COL16A1: variants seen among roughly 807,000 people sequenced by gnomAD.
COL16A1 encodes collagen alpha-1(XVI) chain.
Under a neutral mutation model 266.3 loss-of-function variants are expected in COL16A1, and 189 were observed. The observed-to-expected ratio is 0.71, with a 90% confidence interval of 0.63 to 0.80. COL16A1 has a LOEUF of 0.80. Among genes scored for constraint, COL16A1 ranks in the 30% least tolerant of loss-of-function variants. The pLI is 0.00. For missense variants in COL16A1, 1,928 were observed against 2,122.4 expected, an observed-to-expected ratio of 0.91 and a Z score of 1.80; for synonymous variants, 740 against 782.3, an observed-to-expected ratio of 0.95 and a Z score of 0.90.
At position 31,665,568 on chromosome 1, in the gene COL16A1, G is replaced by A; in HGVS notation, c.3492+15C>T. 1 of 1,614,176 alleles carries A rather than the reference G, an allele frequency of 6.2e-7. No homozygotes were observed. Among genetic ancestry groups the A allele is most frequent in the Non-Finnish European group, 8.5e-7 (1 of 1,180,022 alleles). On this transcript the variant is annotated intron_variant, in intron 55 of 70. Coordinates refer to ENST00000373672, the MANE Select transcript of COL16A1 (RefSeq NM_001856.4). ...CCACATCAGACAGAGCTGGCTTTGT[G>A]TCTTCTTCACTCACCGGTGGGCCCG...
In COL16A1 at chr1:31,700,034, T is replaced by G; in HGVS notation, c.148+7A>C. 1 of 1,614,066 alleles carries G rather than the reference T, an allele frequency of 6.2e-7. No homozygotes were observed. Among genetic ancestry groups the G allele is most frequent in the Non-Finnish European group, 8.5e-7 (1 of 1,179,984 alleles). ...GGGACGGCGCGATGAGATGGTTGGG[T>G]GCTCACCAGTCACGTTGGCTGGCAG... On this transcript the variant is annotated splice_region_variant and intron_variant, in intron 3 of 70. Transcript: ENST00000373672.
intron 23 of COL16A1, chr1:31,689,369 G>A: frequency 5.1e-6 from 3 of 590,634 alleles, no homozygotes; most frequent in African/African-American, 1.9e-5. Context: ...CCTGAAAGAG[G>A]GGGTCTGTGA....
chr1:31,669,439 C>A (rs1234991034), intron 49 of COL16A1, among the ~76,000 whole-genome samples: 2 of 152,100 alleles, frequency 1.3e-5, no homozygotes, highest in Non-Finnish European at 2.9e-5. Context: ...TCCACGAGAG[C>A]TACAGCCCCC....
intron 39 of COL16A1, 75 bp downstream of exon 39, chr1:31,680,830 G>A (rs1193976999): frequency 1.9e-6 from 3 of 1,610,664 alleles, no homozygotes; most frequent in Admixed American, 1.7e-5. Context: ...ATCCCCCAGA[G>A]TACGGGTCAC....
At chr1:31,693,494 A>G (rs1346099779) in intron 12 of COL16A1, among the ~76,000 whole-genome samples, 1 of 152,222 alleles carries the variant, frequency 6.6e-6, no homozygotes, top group African/African-American at 2.4e-5. Flanking sequence ...GCACGGTGGC[A>G]GAAACCCATG....
At chr1:31,672,556 G>A (rs1240684109) in intron 46 of COL16A1, 40 bp downstream of exon 46, 1 of 1,612,782 alleles carries the variant, frequency 6.2e-7, no homozygotes, top group Non-Finnish European at 8.5e-7. Flanking sequence ...TCCCTGTGGG[G>A]CATGGGGCAT....
chr1:31,674,835 C>A (rs1643042004), intron 44 of COL16A1, among the ~76,000 whole-genome samples, 172 bp downstream of exon 44: 1 of 152,182 alleles, frequency 6.6e-6, no homozygotes, highest in African/African-American at 2.4e-5. Flanking sequence ...TGCCTGGGGG[C>A]CTGTTACAAG....
intron 47 of COL16A1, 108 bp downstream of exon 47, chr1:31,672,308 G>C (rs1642788624): frequency 2.4e-6 from 3 of 1,260,062 alleles, no homozygotes; most frequent in South Asian, 2.7e-5. Flanking sequence ...GATGAGCCCA[G>C]AGTGGTAAAG....
intron 44 of COL16A1, among the ~76,000 whole-genome samples, chr1:31,674,692 C>T (rs918613976): frequency 6.6e-6 from 1 of 152,210 alleles, no homozygotes; most frequent in East Asian, 1.9e-4. Context: ...TGGGCTCTGC[C>T]GCAGGGTGAC....
In COL16A1 at chr1:31,656,889, C is replaced by T; in HGVS notation, c.4056+144G>A. 1.9e-6 allele frequency: 2 copies of T among 1,077,334 alleles called. No individual in the cohort carries two copies. The highest frequency in any genetic ancestry group is 2.7e-6 in the Non-Finnish European group (2 of 741,212). The allele number at this position is 1,077,334 out of a possible 1,614,324, so 66.7% of individuals were successfully genotyped here. ...CCTTGGCCTCAAGTCTCTAATTCCT[C>T]TCCCCAGGACAACAGGGTTAACAAT... On this transcript the variant is annotated intron_variant, in intron 65 of 70. Transcript: ENST00000373672. This position sits in a 1 kb window ranked among gnomAD's most constrained non-coding sequence, Gnocchi z 4.2.
intron 47 of COL16A1, 125 bp from the exon 48 acceptor site, chr1:31,671,784 G>A: frequency 2.7e-6 from 3 of 1,117,722 alleles, no homozygotes; most frequent in Non-Finnish European, 3.9e-6. Context: ...TGTCCAAGCA[G>A]GACCACTTAG....
Position 31,675,250 on chromosome 1 carries a change from G to A in COL16A1, c.2826+8C>T. 6.2e-7 allele frequency: 1 copy of A among 1,614,228 alleles called. No individual in the cohort carries two copies. The highest frequency in any genetic ancestry group is 8.5e-7 in the Non-Finnish European group (1 of 1,180,040). The stretch of plus-strand genomic sequence containing the variant: ...GGGCATGCACAGGGAGTCCTGGCCA[G>A]TACCCACCAGTTCTGCAGTGAGCCC... On this transcript the variant is annotated splice_region_variant and intron_variant, in intron 43 of 70. Coordinates refer to ENST00000373672, the MANE Select transcript of COL16A1 (RefSeq NM_001856.4).
rs755535356 is a variant in COL16A1 at position 31,692,024 on chromosome 1, G to C, written c.1238C>G (p.Pro413Arg). 118 of 1,613,750 alleles carry C rather than the reference G, an allele frequency of 7.3e-5. No homozygotes were observed. The highest frequency in any genetic ancestry group is 9.8e-5 in the Non-Finnish European group (116 of 1,180,004). Residue 413 changes from proline (P) to arginine (R), a missense_variant, in exon 17 of 71, where the codon CCG (proline) becomes CGG (arginine). By Grantham distance (103) the Pro-to-Arg change is moderately radical. This residue lies in a region of COL16A1 where 1,552 missense variants were observed against 1,637.2 expected (regional missense o/e 0.95). Transcript: ENST00000373672. The stretch of plus-strand genomic sequence containing the variant: ...ACCTACGTCCCGGCCTGGCTTTCCC[G>C]GCACGCCCTTGATGCCTCCGTCGCC... ...EKGDGGIKGVPGKPGRDGRPG... is the reference protein window; with the variant it reads ...EKGDGGIKGVRGKPGRDGRPG...
chr1:31,672,250 C>T (rs1327732388), intron 47 of COL16A1, among the ~76,000 whole-genome samples, 166 bp downstream of exon 47: 2 of 151,978 alleles, frequency 1.3e-5, no homozygotes, highest in Admixed American at 6.5e-5. Flanking sequence ...AGAGTGTGTC[C>T]TACGCTGGGT....
At chr1:31,692,719 G>C in intron 14 of COL16A1, 48 bp downstream of exon 14, 1 of 1,612,946 alleles carries the variant, frequency 6.2e-7, no homozygotes, top group South Asian at 1.1e-5. Context: ...CCTCCCCAGG[G>C]GCTGGCCCCA....
intron 8 of COL16A1, 152 bp from the exon 9 acceptor site, chr1:31,696,293 CCT>C: frequency 1.6e-6 from 1 of 613,076 alleles, no homozygotes; most frequent in Non-Finnish European, 2.8e-6. Flanking sequence ...TGCTCAGGCC[CCT>C]GTGGCTGCCC....
chr1:31,668,928 C>T lies in COL16A1; in HGVS notation c.3196-73G>A, dbSNP rs1557631504. ...CCAGCCCCTGACTCCTTCCCCCTGCCCCACTGCCTTCTGTTCCCACTCCAG... is the reference window on the plus strand; with the variant it reads ...CCAGCCCCTGACTCCTTCCCCCTGCTCCACTGCCTTCTGTTCCCACTCCAG... On this transcript the variant is annotated intron_variant, in intron 49 of 70. Transcript: ENST00000373672. The surrounding 1 kb of genome is among the most constrained non-coding windows in gnomAD (Gnocchi z 5.8). The T allele has an allele frequency of 1.4e-6, 2 of 1,381,106 alleles. No homozygotes were observed. The highest frequency in any genetic ancestry group is 1.0e-6 in the Non-Finnish European group (1 of 991,940). The allele number at this position is 1,381,106 out of a possible 1,614,324, so 85.6% of individuals were successfully genotyped here. A position where few individuals can be genotyped will look rare whatever the true frequency, so the allele number is the denominator to read the frequency against.
chr1:31,677,593 C>G (rs1371003654), intron 42 of COL16A1, among the ~76,000 whole-genome samples: 1 of 152,250 alleles, frequency 6.6e-6, no homozygotes, highest in Non-Finnish European at 1.5e-5. Context: ...CCTCAGGCAT[C>G]TTTCTTAACC....
At position 31,698,535 on chromosome 1, in the gene COL16A1, T is replaced by C. The variant is rs748941141; in HGVS notation, c.338A>G (p.His113Arg). The change falls in exon 5 of 71, where the codon CAC becomes CGC. Residue 113 changes from histidine (H) to arginine (R), a missense_variant. Physicochemically the swap from His to Arg is conservative, Grantham distance 29. Around this residue, in one of 2 missense-constraint regions of COL16A1, gnomAD observed 1,552 missense variants for 1,637.2 expected, o/e 0.95. Coordinates refer to ENST00000373672, the MANE Select transcript of COL16A1 (RefSeq NM_001856.4). The surrounding 1 kb of genome is among the most constrained non-coding windows in gnomAD (Gnocchi z 4.1). ...VLTLLLKKHT[H>R]QKTWYLFQVT... Reference sequence around the variant, plus strand: ...TTGAAACAGATACCACGTCTTCTGGTGGGTGTGTTTCTTCAGCAGTAGTGT... The same window carrying C: ...TTGAAACAGATACCACGTCTTCTGGCGGGTGTGTTTCTTCAGCAGTAGTGT... The C allele has an allele frequency of 1.2e-6, 2 of 1,613,904 alleles. No individual in the cohort carries two copies. Among genetic ancestry groups the C allele is most frequent in the East Asian group, 4.5e-5 (2 of 44,866 alleles).
Sources: gnomAD v4.1 joint callset for allele counts (sites outside exome capture counted in the v4.1 genomes callset) on GRCh38, gnomAD v4.1.1 for gene constraint, gnomAD v4.1.1 regional missense constraint, Gnocchi (gnomAD v3.1) non-coding constraint, MANE v1.5 for transcripts, NCBI Gene and HGNC (gene_info 2026-07-23, HGNC 2026-07-21) for gene names.